NEXN: variants seen among roughly 807,000 people sequenced by gnomAD.
NEXN encodes nexilin.
NEXN carries 65 observed loss-of-function variants against 92.6 expected under a neutral mutation model. The observed-to-expected ratio is 0.70, with a 90% confidence interval of 0.57 to 0.86. The LOEUF is 0.86. Ranked by LOEUF, NEXN falls within the 40% of genes least tolerant of loss-of-function variation. NEXN has a pLI of 0.00. For synonymous variants in NEXN, 254 were observed against 242.5 expected, an observed-to-expected ratio of 1.05 and a Z score of -0.44; for missense variants, 778 against 771.1, an observed-to-expected ratio of 1.01 and a Z score of -0.11.
chr1:77,898,142 C>T (rs151034482), intron 1 of NEXN, among the ~76,000 whole-genome samples: 7,165 of 152,128 alleles, frequency 0.047, 229 homozygotes, highest in East Asian at 0.11. Context: ...ACTTTCTTCA[C>T]GGAATTGGAA....
chr1:77,908,392 C>CCCCTCT (rs1557967296), intron 1 of NEXN, among the ~76,000 whole-genome samples: 2 of 97,596 alleles, frequency 2.0e-5, no homozygotes, highest in Non-Finnish European at 4.3e-5. Context: ...TCCCCTACCT[C>CCCCTCT]TATTTTTTTT....
chr1:77,898,534 G>C (rs1352681965), intron 1 of NEXN, among the ~76,000 whole-genome samples: 1 of 152,146 alleles, frequency 6.6e-6, no homozygotes, highest in African/African-American at 2.4e-5. Flanking sequence ...ATACTTAAAT[G>C]TTAGACCTAA....
intron 5 of NEXN, among the ~76,000 whole-genome samples, chr1:77,919,332 T>C (rs2102098431): frequency 6.6e-6 from 1 of 152,306 alleles, no homozygotes; most frequent in Non-Finnish European, 1.5e-5. Context: ...CAGCTGGTCT[T>C]TTAAGGCATA....
intron 1 of NEXN, among the ~76,000 whole-genome samples, chr1:77,912,830 T>A (rs1046273684): frequency 6.6e-6 from 1 of 152,186 alleles, no homozygotes; most frequent in East Asian, 1.9e-4. Flanking sequence ...CATAGAACTA[T>A]AAAACTCCTA....
intron 9 of NEXN, among the ~76,000 whole-genome samples, chr1:77,931,153 C>T (rs1028764652): frequency 6.7e-5 from 10 of 148,594 alleles, no homozygotes; most frequent in South Asian, 2.1e-4. Flanking sequence ...TTTGGGAGGC[C>T]GAGGCGGGCG....
At chr1:77,897,688 G>T (rs1647344560) in intron 1 of NEXN, among the ~76,000 whole-genome samples, 1 of 152,096 alleles carries the variant, frequency 6.6e-6, no homozygotes. Flanking sequence ...GGAAATAAAG[G>T]GTATTCAATT....
At position 77,942,891 on chromosome 1, in the gene NEXN, C is replaced by CT. The variant is rs1289238646; in HGVS notation, c.*68dup. On this transcript the variant is annotated 3_prime_UTR_variant, in exon 13 of 13. Coordinates refer to ENST00000334785, the MANE Select transcript of NEXN (RefSeq NM_144573.4). ...TCCTTAAAATCACTTTTCTTCTTCTCTTTTTTAGCTGATGACTACTAGCTC... is the reference window on the plus strand; with the variant it reads ...TCCTTAAAATCACTTTTCTTCTTCTCTTTTTTTAGCTGATGACTACTAGCTC... 1.3e-6 allele frequency: 2 copies of CT among 1,518,632 alleles called. No individual in the cohort carries two copies. Among genetic ancestry groups the CT allele is most frequent in the Non-Finnish European group, 1.8e-6 (2 of 1,119,242 alleles). The allele number at this position is 1,518,632 out of a possible 1,614,324, so 94.1% of individuals were successfully genotyped here. A position where few individuals can be genotyped will look rare whatever the true frequency, so the allele number is the denominator to read the frequency against.
At chr1:77,891,403 GC>G (rs1647102279) in intron 1 of NEXN, among the ~76,000 whole-genome samples, 1 of 152,038 alleles carries the variant, frequency 6.6e-6, no homozygotes, top group Non-Finnish European at 1.5e-5. Context: ...AGCATCCCAT[GC>G]AGTGTCTGCC....
chr1:77,909,069 A>C (rs1016858145), intron 1 of NEXN, among the ~76,000 whole-genome samples: 3 of 152,224 alleles, frequency 2.0e-5, no homozygotes, highest in Admixed American at 6.5e-5. Context: ...TGAATCAAAA[A>C]TAACTGCAAG....
intron 10 of NEXN, among the ~76,000 whole-genome samples, chr1:77,934,011 ATTTT>A (rs71075780): frequency 1.4e-4 from 16 of 114,308 alleles, no homozygotes; most frequent in African/African-American, 5.1e-4. Flanking sequence ...CTAATTTTTA[ATTTT>A]TTTTTTTTTT....
intron 1 of NEXN, among the ~76,000 whole-genome samples, chr1:77,890,853 C>T (rs1254763645): frequency 6.6e-6 from 1 of 152,010 alleles, no homozygotes; most frequent in African/African-American, 2.4e-5. Context: ...AAAGTCTAAA[C>T]GTTTTTATAG....
intron 1 of NEXN, among the ~76,000 whole-genome samples, chr1:77,910,766 A>AC (rs1362898324): frequency 7.3e-5 from 11 of 151,694 alleles, no homozygotes; most frequent in South Asian, 2.1e-4. Context: ...AAAAAAAAAA[A>AC]AAAAACTAAT....
chr1:77,912,382 T>C (rs1033826224), intron 1 of NEXN, among the ~76,000 whole-genome samples: 1 of 152,166 alleles, frequency 6.6e-6, no homozygotes, highest in Non-Finnish European at 1.5e-5. Flanking sequence ...CCTAGATCCA[T>C]CTACAGATTC....
chr1:77,908,939 G>A (rs1031604595), intron 1 of NEXN, among the ~76,000 whole-genome samples: 2 of 152,134 alleles, frequency 1.3e-5, no homozygotes, highest in African/African-American at 4.8e-5. Context: ...TAAATGTGAG[G>A]TGATTGAAGG....
intron 1 of NEXN, among the ~76,000 whole-genome samples, chr1:77,895,585 T>C (rs1035758103): frequency 6.6e-6 from 1 of 152,106 alleles, no homozygotes; most frequent in African/African-American, 2.4e-5. Flanking sequence ...AAAAGTTGGC[T>C]GGGCACTGTG....
chr1:77,931,271 G>A (rs986767259), intron 9 of NEXN, among the ~76,000 whole-genome samples: 17 of 147,678 alleles, frequency 1.2e-4, no homozygotes, highest in Non-Finnish European at 4.5e-5. Context: ...AAAATTAGCC[G>A]GGCGTGTTGG....
rs569415834 is a variant in NEXN, at chr1:77,943,638, T to C, written c.*809T>C. 1.6e-4 allele frequency: 25 copies of C among 152,184 alleles called. No individual in the cohort carries two copies. The highest frequency in any genetic ancestry group is 6.0e-4 in the African/African-American group (25 of 41,552). 9.4% of individuals were successfully genotyped at this position (152,184 alleles called of 1,614,324 possible). A position where few individuals can be genotyped will look rare whatever the true frequency, so the allele number is the denominator to read the frequency against. Reference sequence around the variant, plus strand: ...ATGTTGTGATCTTGCCTGAACAAATTATATTTTAATGAAAAAACTTTCTAT... The same window carrying C: ...ATGTTGTGATCTTGCCTGAACAAATCATATTTTAATGAAAAAACTTTCTAT... On this transcript the variant is annotated 3_prime_UTR_variant, in exon 13 of 13. Coordinates refer to ENST00000334785, the MANE Select transcript of NEXN (RefSeq NM_144573.4).
At chr1:77,905,258 C>CAAAAAAA (rs35239130) in intron 1 of NEXN, among the ~76,000 whole-genome samples, 4 of 149,826 alleles carry the variant, frequency 2.7e-5, no homozygotes, top group East Asian at 3.9e-4. Flanking sequence ...GACTCCGTCT[C>CAAAAAAA]AAAAAAAAAA....
intron 11 of NEXN, among the ~76,000 whole-genome samples, chr1:77,938,971 G>C (rs1200549373): frequency 2.0e-5 from 3 of 152,160 alleles, no homozygotes; most frequent in Non-Finnish European, 4.4e-5. Context: ...TATGATCTGG[G>C]CAACAATGTT....
Sources: gnomAD v4.1 joint callset for allele counts (sites outside exome capture counted in the v4.1 genomes callset) on GRCh38, gnomAD v4.1.1 for gene constraint, MANE v1.5 for transcripts, NCBI Gene and HGNC (gene_info 2026-07-23, HGNC 2026-07-21) for gene names.